The following DDX60 variants were observed in gnomAD, a reference collection of about 807,000 sequenced individuals.
DDX60 encodes the protein probable ATP-dependent RNA helicase DDX60.
A neutral mutation model predicts 212.8 loss-of-function variants in DDX60; 165 were observed. The observed-to-expected ratio is 0.78, with a 90% CI of 0.68 to 0.88. The LOEUF (loss-of-function observed/expected upper bound fraction) is 0.88. Ranked by LOEUF, DDX60 falls within the 40% of genes least tolerant of loss-of-function variation. The pLI, the probability that DDX60 is intolerant of heterozygous loss-of-function variation, is 0.00. For synonymous variants in DDX60, 703 were observed against 685.3 expected, an observed-to-expected ratio of 1.03 and a Z score of -0.40; for missense variants, 1,905 against 2,003.9, an observed-to-expected ratio of 0.95 and a Z score of 0.94.
intron 37 of DDX60, among the ~76,000 whole-genome samples, chr4:168,218,854 CTCTT>C (rs1476554180): frequency 1.3e-5 from 2 of 152,178 alleles, no homozygotes; most frequent in South Asian, 2.1e-4. Flanking sequence ...TCATTTGAGA[CTCTT>C]TCTTTGAATG....
chr4:168,324,592 A>G, the DDX60 span, among the ~76,000 whole-genome samples: 2 of 152,208 alleles, frequency 1.3e-5, no homozygotes, highest in Non-Finnish European at 2.9e-5. Flanking sequence ...TCCAGAACCC[A>G]AAAGGACTAA....
At chr4:168,313,851 T>G (rs1052948455) in intron 1 of DDX60, among the ~76,000 whole-genome samples, 1 of 152,200 alleles carries the variant, frequency 6.6e-6, no homozygotes, top group Admixed American at 6.5e-5. Flanking sequence ...AGAAATAATA[T>G]ACATAGATTA....
At chr4:168,313,461 T>C (rs1737230523) in intron 1 of DDX60, among the ~76,000 whole-genome samples, 1 of 152,042 alleles carries the variant, frequency 6.6e-6, no homozygotes, top group Non-Finnish European at 1.5e-5. Context: ...GGAGATTAGG[T>C]ATTTTCAAAA....
At chr4:168,280,655 G>T (rs959220141) in intron 13 of DDX60, 65 bp from the exon 14 acceptor site, 5 of 1,508,986 alleles carry the variant, frequency 3.3e-6, no homozygotes, top group Non-Finnish European at 4.4e-6. Flanking sequence ...CAGGTCATGA[G>T]TGAGACAATA....
At chr4:168,277,017 G>T (rs886938052) in intron 14 of DDX60, among the ~76,000 whole-genome samples, 9 of 152,224 alleles carry the variant, frequency 5.9e-5, no homozygotes, top group African/African-American at 2.2e-4. Context: ...ATGGATCAAA[G>T]TGTGGAGATG....
chr4:168,293,638 TAG>T, intron 7 of DDX60, 147 bp downstream of exon 7: 1 of 694,450 alleles, frequency 1.4e-6, no homozygotes, highest in Non-Finnish European at 2.4e-6. Flanking sequence ...TGTTTCCTGA[TAG>T]ACACAAATTT....
Position 168,306,531 on chromosome 4 carries a change from C to T in DDX60, c.454G>A (p.Asp152Asn), listed in dbSNP as rs545288798. 7.4e-6 allele frequency: 12 copies of T among 1,614,136 alleles called. No individual in the cohort carries two copies. The highest frequency in any genetic ancestry group is 2.7e-5 in the African/African-American group (2 of 75,032). The change falls in exon 5 of 38, where the codon GAT becomes AAT. Residue 152 changes from aspartate to asparagine, a missense_variant. Asp to Asn is a conservative substitution (Grantham distance 23, BLOSUM62 1). Transcript: ENST00000393743. ...FLIVADEGLN[D>N]LQTQLFNFLI... ...AAGTTGAAAAGCTGTGTTTGTAGATCGTTCAGGCCTTCGTCTGCAACTATC... is the reference window on the plus strand; with the variant it reads ...AAGTTGAAAAGCTGTGTTTGTAGATTGTTCAGGCCTTCGTCTGCAACTATC...
chr4:168,239,283 T>A (rs907255462), intron 30 of DDX60, among the ~76,000 whole-genome samples: 2 of 151,952 alleles, frequency 1.3e-5, no homozygotes, highest in Non-Finnish European at 2.9e-5. Flanking sequence ...AGATGATTGA[T>A]AGATGTAGAT....
At chr4:168,254,757 A>G (rs1204022236) in intron 26 of DDX60, among the ~76,000 whole-genome samples, 2 of 152,166 alleles carry the variant, frequency 1.3e-5, no homozygotes, top group East Asian at 1.9e-4. Flanking sequence ...GAGATGAGAT[A>G]CCAAAAAGGG....
At chr4:168,315,206 A>G (rs1737311671) in intron 1 of DDX60, among the ~76,000 whole-genome samples, 1 of 152,206 alleles carries the variant, frequency 6.6e-6, no homozygotes, top group East Asian at 1.9e-4. Context: ...GAACTGATGG[A>G]TACGAATTGA....
chr4:168,259,439 A>ATAT (rs1437966986), intron 25 of DDX60, among the ~76,000 whole-genome samples: 1 of 152,144 alleles, frequency 6.6e-6, no homozygotes, highest in Non-Finnish European at 1.5e-5. Context: ...AAAAGGAGTA[A>ATAT]TATTATTGCA....
At chr4:168,242,079 G>A (rs539878457) in intron 30 of DDX60, among the ~76,000 whole-genome samples, 8 of 152,328 alleles carry the variant, frequency 5.3e-5, no homozygotes, top group East Asian at 1.9e-4. Context: ...CAGCTTACAC[G>A]TGGTGTTGAG....
chr4:168,218,929 A>G (rs986227828), intron 37 of DDX60, among the ~76,000 whole-genome samples: 1 of 152,132 alleles, frequency 6.6e-6, no homozygotes, highest in African/African-American at 2.4e-5. Context: ...TGTAAGGTCT[A>G]TAAGTCAGCT....
intron 33 of DDX60, among the ~76,000 whole-genome samples, chr4:168,229,546 G>T (rs1207216959): frequency 2.0e-5 from 3 of 152,014 alleles, no homozygotes; most frequent in African/African-American, 7.2e-5. Context: ...TACAAGCACA[G>T]AGGCTGCAGC....
At chr4:168,261,074 G>T in intron 24 of DDX60, 85 bp from the exon 25 acceptor site, 2 of 1,411,174 alleles carry the variant, frequency 1.4e-6, no homozygotes, top group Non-Finnish European at 9.7e-7. Flanking sequence ...TTTCATAGTT[G>T]TCTAATATAT....
chr4:168,279,050 T>C (rs1433729876), intron 14 of DDX60, among the ~76,000 whole-genome samples: 1 of 151,972 alleles, frequency 6.6e-6, no homozygotes, highest in African/African-American at 2.4e-5. Context: ...ACATAAAACA[T>C]GGAAGGACAG....
At chr4:168,265,091 C>T (rs1734785367) in intron 22 of DDX60, among the ~76,000 whole-genome samples, 3 of 152,110 alleles carry the variant, frequency 2.0e-5, no homozygotes, top group African/African-American at 7.2e-5. Flanking sequence ...TCCTGTGTGG[C>T]ATGAAAATTG....
chr4:168,278,297 A>G (rs1473271925), intron 14 of DDX60, among the ~76,000 whole-genome samples: 1 of 152,252 alleles, frequency 6.6e-6, no homozygotes, highest in African/African-American at 2.4e-5. Context: ...GTTGCACCTC[A>G]AATGGCAAAA....
chr4:168,293,332 G>A lies in DDX60; in HGVS notation c.882+455C>T, dbSNP rs140388927. ...TTGTGGAACTTGCACAAGATGGACC[G>A]GAGTTCAATCCACCTTGCTATTTAG... On this transcript the variant is annotated intron_variant, in intron 7 of 37. Transcript: ENST00000393743. Among the ~76,000 whole-genome samples, 54 of 152,264 alleles carry A rather than the reference G, an allele frequency of 3.5e-4. No individual in the cohort carries two copies. The East Asian group carries it at 8.1e-3, about 23-fold the overall frequency.
Sources: gnomAD v4.1 joint callset for allele counts (sites outside exome capture counted in the v4.1 genomes callset) on GRCh38, gnomAD v4.1.1 for gene constraint, MANE v1.5 for transcripts, NCBI Gene and HGNC (gene_info 2026-07-23, HGNC 2026-07-21) for gene names.